TRPC4: variants seen among roughly 807,000 people sequenced by gnomAD.
The protein encoded by TRPC4 is transient receptor potential cation channel subfamily C member 4, also known as short transient receptor potential channel 4.
A neutral mutation model predicts 99.4 loss-of-function variants in TRPC4; 49 were observed. That is an observed-to-expected ratio of 0.49 (90% CI 0.39 to 0.63). The LOEUF is 0.63. Ranked by LOEUF, TRPC4 falls within the 20% of genes least tolerant of loss-of-function variation. The probability of loss-of-function intolerance (pLI) is 0.00; values close to 1 mark genes in which losing one functional copy is unlikely to be tolerated. For missense variants in TRPC4, 898 were observed against 1,152.9 expected (o/e 0.78, Z 3.20); for synonymous variants, 454 against 425.9 (o/e 1.07, Z -0.81).
chr13:37,678,945 A>T (rs1332190686), intron 4 of TRPC4, among the ~76,000 whole-genome samples: 5 of 152,136 alleles, frequency 3.3e-5, no homozygotes, highest in African/African-American at 4.8e-5. Flanking sequence ...CAATCAGCAT[A>T]ATTTATCCCA....
At chr13:37,824,974 T>C (rs1314998496) in intron 1 of TRPC4, among the ~76,000 whole-genome samples, 1 of 152,142 alleles carries the variant, frequency 6.6e-6, no homozygotes, top group Non-Finnish European at 1.5e-5. Context: ...TATTCAGAGA[T>C]TCAACTTCTT....
At chr13:37,750,105 T>G (rs556903423) in intron 2 of TRPC4, among the ~76,000 whole-genome samples, 3 of 151,732 alleles carry the variant, frequency 2.0e-5, no homozygotes, top group Admixed American at 6.6e-5. Context: ...GTACTCTTTA[T>G]GTCTAGCTTT....
chr13:37,643,702 T>C (rs1566062974), intron 8 of TRPC4, among the ~76,000 whole-genome samples: 2 of 152,164 alleles, frequency 1.3e-5, no homozygotes, highest in Non-Finnish European at 2.9e-5. Flanking sequence ...GGACTCTTAA[T>C]GTAGAATTTC....
At chr13:37,765,434 G>GTGA (rs1483293563) in intron 2 of TRPC4, among the ~76,000 whole-genome samples, 1 of 151,414 alleles carries the variant, frequency 6.6e-6, no homozygotes, top group East Asian at 2.0e-4. Flanking sequence ...TGATTACAGT[G>GTGA]TGATCTCTTT....
intron 1 of TRPC4, among the ~76,000 whole-genome samples, chr13:37,832,419 G>A (rs140582034): frequency 4.0e-4 from 61 of 152,020 alleles, no homozygotes; most frequent in African/African-American, 1.3e-3. Context: ...TGCACCTGTA[G>A]CCCCAGCTAC....
chr13:37,848,955 A>C (rs1280959566), intron 1 of TRPC4, among the ~76,000 whole-genome samples: 3 of 152,162 alleles, frequency 2.0e-5, no homozygotes, highest in Admixed American at 6.5e-5. Flanking sequence ...GAGTATAGAT[A>C]ATATGCCTAA....
At chr13:37,729,634 A>G (rs942422643) in intron 3 of TRPC4, among the ~76,000 whole-genome samples, 1 of 152,118 alleles carries the variant, frequency 6.6e-6, no homozygotes, top group Non-Finnish European at 1.5e-5. Flanking sequence ...AAATACATAC[A>G]ATGGAATATT....
At chr13:37,714,615 T>G (rs1456676460) in intron 3 of TRPC4, among the ~76,000 whole-genome samples, 1 of 152,190 alleles carries the variant, frequency 6.6e-6, no homozygotes, top group Non-Finnish European at 1.5e-5. Flanking sequence ...CACCTCTGCC[T>G]ACTACTCTTT....
intron 1 of TRPC4, among the ~76,000 whole-genome samples, chr13:37,784,490 T>C (rs1473495108): frequency 4.6e-5 from 7 of 152,080 alleles, no homozygotes; most frequent in East Asian, 3.9e-4. Context: ...ATGATTTCTT[T>C]GTTGCTGTTA....
intron 2 of TRPC4, among the ~76,000 whole-genome samples, chr13:37,772,691 C>T (rs554284488): frequency 3.3e-5 from 5 of 151,654 alleles, no homozygotes; most frequent in Admixed American, 2.0e-4. Flanking sequence ...TATCATATCA[C>T]GTCATATTTT....
At chr13:37,817,471 T>A (rs546963734) in intron 1 of TRPC4, among the ~76,000 whole-genome samples, 1 of 152,020 alleles carries the variant, frequency 6.6e-6, no homozygotes, top group South Asian at 2.1e-4. Context: ...ATAGATTCAA[T>A]GCTATTCCTA....
At chr13:37,799,769 G>A (rs368370250) in intron 1 of TRPC4, among the ~76,000 whole-genome samples, 3 of 152,268 alleles carry the variant, frequency 2.0e-5, no homozygotes, top group South Asian at 2.1e-4. Flanking sequence ...AAGAAGGTTC[G>A]ATCTGAAGAC....
At chr13:37,823,579 T>C (rs530730237) in intron 1 of TRPC4, among the ~76,000 whole-genome samples, 2 of 152,140 alleles carry the variant, frequency 1.3e-5, no homozygotes, top group South Asian at 4.2e-4. Flanking sequence ...ATCAAATACT[T>C]GTAGATATGT....
chr13:37,649,731 C>CA lies in TRPC4; in HGVS notation c.2079+1533dup, dbSNP rs775364702. ...TGGGCAACTGAGCGAGACTCCGTCT[C>CA]AAAAAAAAAAAAAAAAAAAAAAAAA... is the stretch of plus-strand genomic sequence containing the variant. On this transcript the variant is annotated intron_variant, in intron 8 of 10. Transcript: ENST00000379705. Among the ~76,000 whole-genome samples the CA allele has an allele frequency of 3.5e-3, 221 of 62,692 alleles. 11 individuals carry two copies. Among genetic ancestry groups the CA allele is most frequent in the East Asian group, 0.032 (25 of 784 alleles). 41.1% of individuals were successfully genotyped at this position (62,692 alleles called of 152,430 possible).
At chr13:37,642,401 G>A (rs935348619) in intron 8 of TRPC4, among the ~76,000 whole-genome samples, 2 of 152,154 alleles carry the variant, frequency 1.3e-5, no homozygotes, top group African/African-American at 2.4e-5. Context: ...CCTACAACAT[G>A]TCGCTACTGA....
Position 37,632,172 on chromosome 13 carries a change from G to T in TRPC4, c.*4731C>A, listed in dbSNP as rs1951409927. On this transcript the variant is annotated 3_prime_UTR_variant, in exon 11 of 11. Transcript: ENST00000379705. ...GATGATGGAGATACATGAGCTGACT[G>T]AAACAAATACAAATGTTCCTGAGCA... Among the ~76,000 whole-genome samples the T allele has an allele frequency of 1.3e-5, 2 of 152,134 alleles. No individual in the cohort carries two copies. The highest frequency in any genetic ancestry group is 4.8e-5 in the African/African-American group (2 of 41,434).
chr13:37,755,416 C>G (rs1205122176), intron 2 of TRPC4, among the ~76,000 whole-genome samples: 1 of 128,152 alleles, frequency 7.8e-6, no homozygotes, highest in East Asian at 2.4e-4. Context: ...ACCACCATAC[C>G]TGGATAATTT....
intron 3 of TRPC4, among the ~76,000 whole-genome samples, chr13:37,718,722 T>C (rs1177800872): frequency 6.6e-6 from 1 of 151,806 alleles, no homozygotes; most frequent in East Asian, 1.9e-4. Flanking sequence ...AGAGAAATTA[T>C]CCAATCTAAG....
At chr13:37,812,175 T>TCAAAAAAAAAAAAAAA (rs1957708768) in intron 1 of TRPC4, among the ~76,000 whole-genome samples, 1 of 5,198 alleles carries the variant, frequency 1.9e-4, no homozygotes, top group African/African-American at 9.0e-4. Context: ...TGAGACTCTA[T>TCAAAAAAAAAAAAAAA]CAAAAAAAAA....
Sources: gnomAD v4.1 joint callset for allele counts (sites outside exome capture counted in the v4.1 genomes callset) on GRCh38, gnomAD v4.1.1 for gene constraint, MANE v1.5 for transcripts, NCBI Gene and HGNC (gene_info 2026-07-23, HGNC 2026-07-21) for gene names.